Variants in LEPR observed in about 807,000 individuals in gnomAD.
LEPR encodes the protein OB receptor.
A neutral mutation model predicts 114.7 loss-of-function variants in LEPR; 56 were observed. That is an observed-to-expected ratio of 0.49 (90% CI 0.39 to 0.61). The LOEUF (loss-of-function observed/expected upper bound fraction) is 0.61, where lower values mean the gene tolerates loss of function less well. LEPR is among the 20% of genes least tolerant of loss of function. The pLI, the probability that LEPR is intolerant of heterozygous loss-of-function variation, is 0.00. For missense variants in LEPR, 1,202 were observed against 1,352.9 expected (o/e 0.89, Z 1.75); for synonymous variants, 443 against 461.4 (o/e 0.96, Z 0.51).
chr1:65,477,781 G>A (rs1647175541), intron 2 of LEPR, among the ~76,000 whole-genome samples: 1 of 152,192 alleles, frequency 6.6e-6, no homozygotes, highest in African/African-American at 2.4e-5. Context: ...TTTGTTCAGG[G>A]CTGTGTCCTG....
At chr1:65,443,687 G>A (rs1352359635) in intron 2 of LEPR, among the ~76,000 whole-genome samples, 5 of 152,086 alleles carry the variant, frequency 3.3e-5, no homozygotes, top group Admixed American at 6.5e-5. Context: ...TCTTCATATA[G>A]TACCTAGAAT....
At chr1:65,530,020 C>T (rs1034768373) in intron 2 of LEPR, among the ~76,000 whole-genome samples, 1 of 152,204 alleles carries the variant, frequency 6.6e-6, no homozygotes, top group African/African-American at 2.4e-5. Context: ...CAAGCCTTGA[C>T]TGCTCCCTCT....
At chr1:65,544,203 A>G (rs940743668) in intron 2 of LEPR, among the ~76,000 whole-genome samples, 6 of 151,824 alleles carry the variant, frequency 4.0e-5, no homozygotes, top group Admixed American at 2.6e-4. Context: ...CTTTGTAGCA[A>G]TTGTGAATGG....
intron 2 of LEPR, among the ~76,000 whole-genome samples, chr1:65,499,656 T>C (rs796878420): frequency 1.3e-5 from 2 of 152,194 alleles, no homozygotes; most frequent in African/African-American, 4.8e-5. Flanking sequence ...TGGCATGTGT[T>C]AGGGCTTCAA....
At chr1:65,574,811 C>T (rs568071731) in intron 5 of LEPR, among the ~76,000 whole-genome samples, 5 of 152,110 alleles carry the variant, frequency 3.3e-5, no homozygotes, top group South Asian at 4.2e-4. Flanking sequence ...GAGTAGTCAA[C>T]GGTCAGATAT....
intron 2 of LEPR, among the ~76,000 whole-genome samples, chr1:65,449,250 TTTTA>T (rs1265518909): frequency 6.6e-6 from 1 of 150,732 alleles, no homozygotes; most frequent in Non-Finnish European, 1.5e-5. Flanking sequence ...GGCTTAGTGG[TTTTA>T]TTTATCTTTT....
chr1:65,458,585 G>GT (rs1165647979), intron 2 of LEPR, among the ~76,000 whole-genome samples: 2 of 151,776 alleles, frequency 1.3e-5, no homozygotes, highest in Non-Finnish European at 2.9e-5. Flanking sequence ...TTTTGTTTTT[G>GT]TTTTTTTGCC....
At chr1:65,553,174 G>C (rs1389585183) in intron 2 of LEPR, among the ~76,000 whole-genome samples, 2 of 152,144 alleles carry the variant, frequency 1.3e-5, no homozygotes, top group East Asian at 3.9e-4. Flanking sequence ...CAACCTTGGT[G>C]AATTTGACGA....
chr1:65,574,904 G>A (rs964700890), intron 5 of LEPR, among the ~76,000 whole-genome samples: 4 of 152,066 alleles, frequency 2.6e-5, no homozygotes, highest in Non-Finnish European at 4.4e-5. Flanking sequence ...GAGCTCATTC[G>A]GGGGAGCGGA....
At chr1:65,462,207 T>C (rs1214517390) in intron 2 of LEPR, among the ~76,000 whole-genome samples, 2 of 152,176 alleles carry the variant, frequency 1.3e-5, no homozygotes, top group South Asian at 4.1e-4. Flanking sequence ...TGTGTCCATG[T>C]GTTCTTGTTC....
At chr1:65,479,897 T>A (rs1164039239) in intron 2 of LEPR, among the ~76,000 whole-genome samples, 2 of 150,502 alleles carry the variant, frequency 1.3e-5, no homozygotes, top group African/African-American at 4.9e-5. Context: ...TTTAGCTCAC[T>A]AAAAACAAAA....
intron 5 of LEPR, chr1:65,576,954 A>G: frequency 2.8e-6 from 1 of 351,954 alleles, no homozygotes; most frequent in Non-Finnish European, 5.6e-6. Context: ...GTTCCTGGCA[A>G]ACAATCCTCC....
intron 14 of LEPR, among the ~76,000 whole-genome samples, chr1:65,614,477 G>A (rs12040007): frequency 0.21 from 31,878 of 152,078 alleles, 4,509 homozygotes; most frequent in East Asian, 0.77. Flanking sequence ...GGAAATGTGT[G>A]GAATCTTAAG....
chr1:65,488,606 G>A (rs907152422), intron 2 of LEPR, among the ~76,000 whole-genome samples: 4 of 151,854 alleles, frequency 2.6e-5, no homozygotes, highest in Admixed American at 2.6e-4. Flanking sequence ...TAGGATTACA[G>A]GTGTGAGCCA....
At chr1:65,601,344 T>C in intron 8 of LEPR, 48 bp from the exon 9 acceptor site, 2 of 1,597,598 alleles carry the variant, frequency 1.3e-6, no homozygotes, top group Non-Finnish European at 1.7e-6. Flanking sequence ...ACAAATTACT[T>C]ACAGAATGTT....
At chr1:65,526,675 T>C (rs539014111) in intron 2 of LEPR, among the ~76,000 whole-genome samples, 24 of 152,198 alleles carry the variant, frequency 1.6e-4, no homozygotes, top group Non-Finnish European at 3.5e-4. Context: ...GTGATTTCCA[T>C]TTTATTACCT....
At chr1:65,475,814 G>A (rs1041150841) in intron 2 of LEPR, among the ~76,000 whole-genome samples, 2 of 151,964 alleles carry the variant, frequency 1.3e-5, no homozygotes, top group Non-Finnish European at 2.9e-5. Context: ...CCACCATTAC[G>A]AAACCAGCTT....
At chr1:65,455,979 TCC>T (rs1646867648) in intron 2 of LEPR, among the ~76,000 whole-genome samples, 1 of 152,130 alleles carries the variant, frequency 6.6e-6, no homozygotes, top group Non-Finnish European at 1.5e-5. Flanking sequence ...GGGTATAATC[TCC>T]TGGTGCGCCA....
Sources: gnomAD v4.1 joint callset for allele counts (sites outside exome capture counted in the v4.1 genomes callset) on GRCh38, gnomAD v4.1.1 for gene constraint, MANE v1.5 for transcripts, NCBI Gene and HGNC (gene_info 2026-07-23, HGNC 2026-07-21) for gene names.